Variants in CARD8 observed in about 807,000 individuals in gnomAD.
The protein encoded by CARD8 is caspase recruitment domain-containing protein 8.
Under a neutral mutation model 53.2 loss-of-function variants are expected in CARD8, and 38 were observed. The observed-to-expected ratio is 0.71, with a 90% CI of 0.55 to 0.94. The LOEUF is 0.94. Ranked by LOEUF, CARD8 falls within the 40% of genes least tolerant of loss-of-function variation. The pLI is 0.00. For synonymous variants in CARD8, 245 were observed against 244.9 expected, an observed-to-expected ratio of 1.00 and a Z score of 0.00; for missense variants, 561 against 655.5, an observed-to-expected ratio of 0.86 and a Z score of 1.57.
chr19:48,220,918 GGAAAGAAA>G (rs1348978791), intron 11 of CARD8, among the ~76,000 whole-genome samples: 1 of 116,324 alleles, frequency 8.6e-6, no homozygotes, highest in Non-Finnish European at 1.7e-5. Flanking sequence ...CAAAAAAGAA[GGAAAGAAA>G]GAGAGAAAGA....
intron 13 of CARD8, among the ~76,000 whole-genome samples, chr19:48,214,009 A>C (rs1342931941): frequency 6.6e-6 from 1 of 152,234 alleles, no homozygotes; most frequent in African/African-American, 2.4e-5. Context: ...GCCATATCAA[A>C]CTACTTTAAC....
At chr19:48,207,190 A>AAAAG (rs1491261209), downstream of CARD8, among the ~76,000 whole-genome samples, 89 of 54,554 alleles carry the variant, frequency 1.6e-3, 1 homozygote, top group African/African-American at 5.4e-3. Context: ...AAAAGAAAAG[A>AAAAG]AAAAAAAAAC....
chr19:48,241,536 T>C (rs1482264865), intron 3 of CARD8, among the ~76,000 whole-genome samples: 1 of 152,212 alleles, frequency 6.6e-6, no homozygotes, highest in African/African-American at 2.4e-5. Context: ...ATTGCAGGCG[T>C]GAGCCACCGT....
chr19:48,211,735 G>A lies in CARD8; in HGVS notation c.1589C>T (p.Ser530Phe). The change falls in exon 14 of 14, where the codon TCC (serine) becomes TTC (phenylalanine). Residue 530 changes from serine (S) to phenylalanine (F), a missense_variant. By Grantham distance (155) the Ser-to-Phe change is radical. Coordinates refer to ENST00000651546, the MANE Select transcript of CARD8 (RefSeq NM_001184900.3). ...TTACAAATTCTGCTGTCTAAGATAG[G>A]ACACGAGGTAAGGGTCCCTTTCACT... is the stretch of plus-strand genomic sequence containing the variant. ...SISERDPYLV[S>F]YLRQQNL 1.2e-6 allele frequency: 2 copies of A among 1,614,064 alleles called. No homozygotes were observed. The highest frequency in any genetic ancestry group is 1.7e-6 in the Non-Finnish European group (2 of 1,180,002).
At chr19:48,205,106 GA>G (rs2037294379), downstream of CARD8, among the ~76,000 whole-genome samples, 1 of 152,222 alleles carries the variant, frequency 6.6e-6, no homozygotes, top group Admixed American at 6.5e-5. Flanking sequence ...AGGAGCTGGG[GA>G]TAGTCAGGAA....
intron 13 of CARD8, among the ~76,000 whole-genome samples, chr19:48,212,704 A>G (rs1470871331): frequency 3.3e-5 from 5 of 152,174 alleles, no homozygotes; most frequent in Non-Finnish European, 5.9e-5. Flanking sequence ...TCCACATCCT[A>G]AACATTATAT....
intron 5 of CARD8, among the ~76,000 whole-genome samples, 169 bp from the exon 6 acceptor site, chr19:48,234,712 CTCTT>C (rs2043558013): frequency 6.6e-6 from 1 of 152,194 alleles, no homozygotes; most frequent in Non-Finnish European, 1.5e-5. Flanking sequence ...ACTCCCATGA[CTCTT>C]TCTTACATCT....
intron 10 of CARD8, among the ~76,000 whole-genome samples, chr19:48,225,384 G>A (rs1007604220): frequency 2.0e-5 from 3 of 151,970 alleles, no homozygotes; most frequent in Admixed American, 1.3e-4. Flanking sequence ...TCAGCTACTC[G>A]GGACGCTGAG....
At chr19:48,220,949 AAAGGAAAGG>A (rs1423107582) in intron 11 of CARD8, among the ~76,000 whole-genome samples, 12 of 4,554 alleles carry the variant, frequency 2.6e-3, no homozygotes, top group Middle Eastern at 0.1. Flanking sequence ...GAAAGAAAGG[AAAGGAAAGG>A]AAGGAAGGAA....
chr19:48,238,586 TG>T lies in CARD8; in HGVS notation c.60-55del, dbSNP rs1352830612. The T allele has an allele frequency of 9.4e-6, 14 of 1,494,078 alleles. No individual in the cohort carries two copies. The Middle Eastern group carries it at 5.1e-4, about 54-fold the overall frequency. The allele number at this position is 1,494,078 out of a possible 1,614,324, so 92.6% of individuals were successfully genotyped here. A position where few individuals can be genotyped will look rare whatever the true frequency, so the allele number is the denominator to read the frequency against. On this transcript the variant is annotated intron_variant, in intron 4 of 13. Transcript: ENST00000651546. ...TGAGCATGTCAGAGGAGCTCGATGG[TG>T]GGACAATCTCCTCACTGTGATGTAG...
Position 48,230,712 on chromosome 19 carries a change from C to T in CARD8, c.773-12G>A, listed in dbSNP as rs766187048. ...GTCCACCTCACCTGCTGCAGGAGAA[C>T]CACAACAGCAGTGAGACGGCACGCA... On this transcript the variant is annotated splice_polypyrimidine_tract_variant and intron_variant, in intron 9 of 13. Coordinates refer to ENST00000651546, the MANE Select transcript of CARD8 (RefSeq NM_001184900.3). The T allele has an allele frequency of 3.7e-6, 6 of 1,613,210 alleles. No individual in the cohort carries two copies. Among genetic ancestry groups the T allele is most frequent in the South Asian group, 1.1e-5 (1 of 91,066 alleles).
At chr19:48,217,388 A>G (rs1301705702) in intron 12 of CARD8, among the ~76,000 whole-genome samples, 1 of 152,318 alleles carries the variant, frequency 6.6e-6, no homozygotes, top group East Asian at 1.9e-4. Context: ...GTACTCACAC[A>G]TTTGTTCAAC....
At chr19:48,226,186 T>C (rs182330431) in intron 10 of CARD8, among the ~76,000 whole-genome samples, 4 of 152,322 alleles carry the variant, frequency 2.6e-5, no homozygotes, top group South Asian at 2.1e-4. Flanking sequence ...TTAAGTGTAT[T>C]AGAATTAAAA....
rs2044907641 is a variant in CARD8, at chr19:48,240,941, A to T, written c.59+21T>A. ...GAAGAATCAGCCATCAGGAGCCCTCACAGAGCGCAAAGTCACTCACCGTCT... is the reference window on the plus strand; with the variant it reads ...GAAGAATCAGCCATCAGGAGCCCTCTCAGAGCGCAAAGTCACTCACCGTCT... On this transcript the variant is annotated intron_variant, in intron 4 of 13. Coordinates refer to ENST00000651546, the MANE Select transcript of CARD8 (RefSeq NM_001184900.3). The T allele has an allele frequency of 2.0e-6, 3 of 1,528,532 alleles. No homozygotes were observed. In the South Asian group the frequency reaches 3.6e-5, roughly 18 times the overall value. 94.7% of individuals were successfully genotyped at this position (1,528,532 alleles called of 1,614,324 possible). A position where few individuals can be genotyped will look rare whatever the true frequency, so the allele number is the denominator to read the frequency against.
At chr19:48,252,801 C>T (rs979807433) in intron 1 of CARD8, among the ~76,000 whole-genome samples, 1 of 60,124 alleles carries the variant, frequency 1.7e-5, no homozygotes, top group African/African-American at 1.1e-4. Context: ...CTGGCCTTAT[C>T]AGTATATACA....
intron 6 of CARD8, chr19:48,233,262 C>T (rs977462247): frequency 5.3e-5 from 24 of 451,296 alleles, no homozygotes; most frequent in Non-Finnish European, 8.5e-5. Context: ...TGCCCTAACA[C>T]AGGTGATACC....
intron 11 of CARD8, among the ~76,000 whole-genome samples, chr19:48,219,336 T>TTC (rs1342345308): frequency 1.3e-5 from 2 of 152,030 alleles, no homozygotes; most frequent in Non-Finnish European, 2.9e-5. Context: ...GAATCCGAGA[T>TTC]TCTATAGAGA....
Position 48,211,832 on chromosome 19 carries a change from T to C in CARD8, c.1492A>G (p.Lys498Glu). Residue 498 changes from lysine to glutamate, a missense_variant, in exon 14 of 14, where the codon AAG becomes GAG. Coordinates refer to ENST00000651546, the MANE Select transcript of CARD8 (RefSeq NM_001184900.3). ...LVEQEKTRQS[K>E]NEALLSMVEK... The stretch of plus-strand genomic sequence containing the variant: ...ACCATGCTCAGCAAGGCCTCATTCT[T>C]GCTCTGCCGTGTCTTTTCCTGCTCC... 2 of 1,614,174 alleles carry C rather than the reference T, an allele frequency of 1.2e-6. No homozygotes were observed. Among genetic ancestry groups the C allele is most frequent in the Non-Finnish European group, 1.7e-6 (2 of 1,180,040 alleles).
intron 4 of CARD8, 140 bp from the exon 5 acceptor site, chr19:48,238,672 C>T: frequency 1.3e-6 from 1 of 742,492 alleles, no homozygotes; most frequent in Non-Finnish European, 2.2e-6. Context: ...ATAGAGATGC[C>T]ATCCTTAGAG....
Sources: gnomAD v4.1 joint callset for allele counts (sites outside exome capture counted in the v4.1 genomes callset) on GRCh38, gnomAD v4.1.1 for gene constraint, MANE v1.5 for transcripts, NCBI Gene and HGNC (gene_info 2026-07-23, HGNC 2026-07-21) for gene names.